SLIT3: variants seen among roughly 807,000 people sequenced by gnomAD.
SLIT3 encodes slit homolog 3 protein.
SLIT3 carries 68 observed loss-of-function variants against 184.0 expected under a neutral mutation model. That is an observed-to-expected ratio of 0.37 (90% confidence interval 0.30 to 0.45). The LOEUF (loss-of-function observed/expected upper bound fraction) is 0.45, where lower values mean the gene tolerates loss of function less well. Ranked by LOEUF, SLIT3 falls within the 20% of genes least tolerant of loss-of-function variation. The pLI is 1.00. For missense variants in SLIT3, 1,707 were observed against 2,026.0 expected (o/e 0.84, Z 3.02); for synonymous variants, 831 against 828.6 (o/e 1.00, Z -0.05).
Position 168,673,456 on chromosome 5 carries a change from T to C in SLIT3, c.3687-125A>G, listed in dbSNP as rs544209720. ...TTTACTTTTTATTTGGAAATAACTTTAAACTTACATAAGTTGCAAAAATAA... is the reference window on the plus strand; with the variant it reads ...TTTACTTTTTATTTGGAAATAACTTCAAACTTACATAAGTTGCAAAAATAA... On this transcript the variant is annotated intron_variant, in intron 32 of 35. Coordinates refer to ENST00000519560, the MANE Select transcript of SLIT3 (RefSeq NM_003062.4). 87 of 886,820 alleles carry C rather than the reference T, an allele frequency of 9.8e-5. No individual in the cohort carries two copies. The African/African-American group carries it at 1.3e-3, about 13-fold the overall frequency. 54.9% of individuals were successfully genotyped at this position (886,820 alleles called of 1,614,324 possible). A position where few individuals can be genotyped will look rare whatever the true frequency, so the allele number is the denominator to read the frequency against.
At chr5:169,146,071 C>A (rs550113365) in intron 4 of SLIT3, among the ~76,000 whole-genome samples, 7 of 152,264 alleles carry the variant, frequency 4.6e-5, no homozygotes, top group Non-Finnish European at 7.4e-5. Context: ...ATAGCTAACA[C>A]ATACTGAGAT....
intron 4 of SLIT3, among the ~76,000 whole-genome samples, chr5:169,171,877 G>A (rs913649353): frequency 9.2e-5 from 14 of 152,178 alleles, no homozygotes; most frequent in East Asian, 1.9e-4. Flanking sequence ...AGGGGCCTAC[G>A]GCTATTCTCT....
chr5:169,222,714 A>G lies in SLIT3; in HGVS notation c.341+21991T>C, dbSNP rs553047234. ...CTCAGGAAAGCTTAGCTTGCAAAAC[A>G]TAATGCAGAATTTTTGCTTTAGGAA... is the stretch of plus-strand genomic sequence containing the variant. On this transcript the variant is annotated intron_variant, in intron 3 of 35. Coordinates refer to ENST00000519560, the MANE Select transcript of SLIT3 (RefSeq NM_003062.4). 5.9e-5 allele frequency among the ~76,000 whole-genome samples: 9 copies of G among 152,360 alleles called. No homozygotes were observed. The South Asian group carries it at 1.5e-3, about 25-fold the overall frequency.
At chr5:168,955,881 C>A (rs1258125200) in intron 4 of SLIT3, among the ~76,000 whole-genome samples, 1 of 152,122 alleles carries the variant, frequency 6.6e-6, no homozygotes, top group East Asian at 1.9e-4. Context: ...AGAGTATCTC[C>A]ATTAGGAGCT....
chr5:168,962,311 A>AACACACACACAC (rs70979116), intron 4 of SLIT3, among the ~76,000 whole-genome samples: 12 of 147,530 alleles, frequency 8.1e-5, no homozygotes, highest in African/African-American at 1.8e-4. Context: ...CCCACCCCAC[A>AACACACACACAC]ACACACACAC....
chr5:168,762,961 G>T (rs1755211683), intron 14 of SLIT3, among the ~76,000 whole-genome samples: 1 of 152,072 alleles, frequency 6.6e-6, no homozygotes, highest in African/African-American at 2.4e-5. Flanking sequence ...ATGCTTTTGG[G>T]GGTCACAGAC....
At chr5:169,155,473 T>G (rs981035393) in intron 4 of SLIT3, among the ~76,000 whole-genome samples, 14 of 152,158 alleles carry the variant, frequency 9.2e-5, no homozygotes, top group African/African-American at 3.1e-4. Flanking sequence ...TTGTCCTAGG[T>G]AAAAATCAAA....
chr5:168,912,493 A>C (rs1581204206), intron 4 of SLIT3, among the ~76,000 whole-genome samples: 1 of 152,336 alleles, frequency 6.6e-6, no homozygotes, highest in East Asian at 1.9e-4. Context: ...CCAGGAGGTC[A>C]GGGAAGCTTC....
chr5:168,807,706 T>C (rs146182473), intron 8 of SLIT3, among the ~76,000 whole-genome samples: 22 of 152,194 alleles, frequency 1.4e-4, no homozygotes, highest in African/African-American at 5.1e-4. Flanking sequence ...GGCTCTTAAT[T>C]GTAGATTAAA....
chr5:168,892,452 C>G (rs1760503511), intron 4 of SLIT3, among the ~76,000 whole-genome samples: 1 of 152,186 alleles, frequency 6.6e-6, no homozygotes, highest in African/African-American at 2.4e-5. Context: ...GGGAAAAAGT[C>G]TTCAGATGTT....
At chr5:168,851,470 G>A (rs1305148832) in intron 5 of SLIT3, among the ~76,000 whole-genome samples, 9 of 151,848 alleles carry the variant, frequency 5.9e-5, no homozygotes, top group Non-Finnish European at 7.4e-5. Flanking sequence ...CAAATCAAAC[G>A]AAAACACCTC....
At chr5:168,805,187 C>A (rs1343185045) in intron 9 of SLIT3, among the ~76,000 whole-genome samples, 1 of 152,018 alleles carries the variant, frequency 6.6e-6, no homozygotes, top group Non-Finnish European at 1.5e-5. Context: ...TTTCCAAGCA[C>A]AGAACAATGA....
intron 4 of SLIT3, among the ~76,000 whole-genome samples, chr5:168,918,641 T>C (rs1186356920): frequency 6.6e-6 from 1 of 152,234 alleles, no homozygotes; most frequent in African/African-American, 2.4e-5. Flanking sequence ...CATGTGGCTA[T>C]GGCCTCCCTA....
chr5:169,006,632 A>ACACAC (rs752430679), intron 4 of SLIT3, among the ~76,000 whole-genome samples: 1,568 of 132,878 alleles, frequency 0.012, 12 homozygotes, highest in Middle Eastern at 0.025. Context: ...CACACACACA[A>ACACAC]CTCTCCAAGC....
intron 4 of SLIT3, among the ~76,000 whole-genome samples, chr5:169,142,849 A>T (rs1984604): frequency 0.012 from 1,818 of 152,332 alleles, 34 homozygotes; most frequent in African/African-American, 0.042. Context: ...ATGTACTCCA[A>T]GCTGAGTCAA....
At chr5:168,728,046 C>G (rs1042911607) in intron 20 of SLIT3, among the ~76,000 whole-genome samples, 1 of 151,996 alleles carries the variant, frequency 6.6e-6, no homozygotes, top group Non-Finnish European at 1.5e-5. Flanking sequence ...AGTGGCTTCC[C>G]ACCTTCTATG....
chr5:168,998,923 G>GTA, intron 4 of SLIT3, among the ~76,000 whole-genome samples: 1 of 151,830 alleles, frequency 6.6e-6, no homozygotes, highest in Non-Finnish European at 1.5e-5. Context: ...GTGTGTGTGT[G>GTA]TGTGTTTTGA....
At chr5:168,755,400 T>TCTTTCTTTC (rs1754870548) in intron 16 of SLIT3, among the ~76,000 whole-genome samples, 1 of 17,518 alleles carries the variant, frequency 5.7e-5, no homozygotes, top group South Asian at 1.8e-3. Flanking sequence ...TTTCTTTCTT[T>TCTTTCTTTC]CTTTCTTTCT....
At chr5:168,829,373 C>T (rs925335504) in intron 6 of SLIT3, among the ~76,000 whole-genome samples, 54 of 152,228 alleles carry the variant, frequency 3.5e-4, no homozygotes, top group African/African-American at 1.3e-3. Context: ...GTGTGCCAAC[C>T]TTCCTGTGGG....
Sources: allele counts gnomAD v4.1 joint callset (sites outside exome capture counted in the v4.1 genomes callset), GRCh38; gene constraint gnomAD v4.1.1; transcripts MANE v1.5; gene names NCBI Gene and HGNC (gene_info 2026-07-23, HGNC 2026-07-21).